The following CYP2C18 variants were observed in gnomAD, a reference collection of about 807,000 sequenced individuals.
CYP2C18 encodes the protein cytochrome P450 family 2 subfamily C member 18.
In CYP2C18, 38 loss-of-function variants were observed where a neutral mutation model predicts 41.3. That is an observed-to-expected ratio of 0.92 (90% CI 0.71 to 1.21). The LOEUF (loss-of-function observed/expected upper bound fraction) is 1.21. Among genes scored for constraint, CYP2C18 ranks in the 50% most tolerant of loss-of-function variants. The pLI, the probability that CYP2C18 is intolerant of heterozygous loss-of-function variation, is 0.00. For synonymous variants in CYP2C18, 236 were observed against 210.0 expected, an observed-to-expected ratio of 1.12 and a Z score of -1.07; for missense variants, 635 against 591.4, an observed-to-expected ratio of 1.07 and a Z score of -0.77.
intron 7 of CYP2C18, among the ~76,000 whole-genome samples, chr10:94,731,967 T>C (rs866365511): frequency 6.6e-6 from 1 of 152,000 alleles, no homozygotes; most frequent in Non-Finnish European, 1.5e-5. Context: ...GATATGTTAC[T>C]TAAAATTGAT....
intron 4 of CYP2C18, among the ~76,000 whole-genome samples, chr10:94,698,104 C>G (rs1004480599): frequency 2.0e-5 from 3 of 152,098 alleles, no homozygotes; most frequent in Admixed American, 6.6e-5. Context: ...TATCCAGGAA[C>G]TGAACTCAGC....
At chr10:94,699,741 C>T (rs903564814) in intron 4 of CYP2C18, among the ~76,000 whole-genome samples, 1 of 152,106 alleles carries the variant, frequency 6.6e-6, no homozygotes, top group Non-Finnish European at 1.5e-5. Flanking sequence ...TTGTCTCAGC[C>T]CAAAATCTCC....
rs35672164 is a variant in CYP2C18, at chr10:94,712,008, A to ATTTTTTTTTTTTTTTTTTTT, written c.819+5049_819+5068dup. The stretch of plus-strand genomic sequence containing the variant: ...AGGTGCATGCCACCATGCCCAACTA[A>ATTTTTTTTTTTTTTTTTTTT]TTTTTTTTTTTTTTTTTTTTGTAGA... On this transcript the variant is annotated intron_variant, in intron 5 of 8. Coordinates refer to ENST00000285979, the MANE Select transcript of CYP2C18 (RefSeq NM_000772.3). Among the ~76,000 whole-genome samples the ATTTTTTTTTTTTTTTTTTTT allele has an allele frequency of 1.3e-3, 132 of 97,844 alleles. 9 individuals carry two copies. The highest frequency in any genetic ancestry group is 0.01 in the East Asian group (29 of 2,840). 64.2% of individuals were successfully genotyped at this position (97,844 alleles called of 152,430 possible).
intron 5 of CYP2C18, among the ~76,000 whole-genome samples, chr10:94,712,158 A>AT (rs201742942): frequency 0.023 from 3,238 of 142,208 alleles, 75 homozygotes; most frequent in Admixed American, 0.075. Context: ...TCTTTTTCCA[A>AT]TTTTTTTTTT....
intron 5 of CYP2C18, among the ~76,000 whole-genome samples, chr10:94,715,632 T>C (rs1589802372): frequency 6.6e-6 from 1 of 152,132 alleles, no homozygotes; most frequent in East Asian, 1.9e-4. Context: ...GGAATTTTGG[T>C]CTAAAATTCT....
intron 3 of CYP2C18, 68 bp from the exon 4 acceptor site, chr10:94,694,849 C>G: frequency 2.0e-6 from 3 of 1,512,138 alleles, no homozygotes. Flanking sequence ...ATACTTTTTC[C>G]TGTATCAAAG....
rs1050452343 is a variant in CYP2C18, at chr10:94,735,647, T to A, written c.*203T>A. ...CACTTCCTAAATATATCTGCTATTC[T>A]CCATACTCTGTATCACTTGTATTGA... On this transcript the variant is annotated 3_prime_UTR_variant, in exon 9 of 9. Transcript: ENST00000285979. 5.0e-6 allele frequency: 3 copies of A among 595,214 alleles called. No individual in the cohort carries two copies. The highest frequency in any genetic ancestry group is 8.9e-6 in the Non-Finnish European group (3 of 335,540). 36.9% of individuals were successfully genotyped at this position (595,214 alleles called of 1,614,324 possible). A position where few individuals can be genotyped will look rare whatever the true frequency, so the allele number is the denominator to read the frequency against.
intron 4 of CYP2C18, among the ~76,000 whole-genome samples, chr10:94,698,807 A>G (rs543421653): frequency 1.3e-4 from 20 of 152,314 alleles, no homozygotes; most frequent in Non-Finnish European, 2.5e-4. Context: ...ATCACCACCA[A>G]TCCCACAGAA....
Position 94,687,952 on chromosome 10 carries a change from G to A in CYP2C18, c.331+20G>A. The A allele has an allele frequency of 6.2e-7, 1 of 1,611,832 alleles. No individual in the cohort carries two copies. Among genetic ancestry groups the A allele is most frequent in the Non-Finnish European group, 8.5e-7 (1 of 1,178,590 alleles). ...GACTTGGTAAATGTGCATGTATCGT[G>A]TGTATGTGTACATGTGTATGTACTG... is the stretch of plus-strand genomic sequence containing the variant. On this transcript the variant is annotated intron_variant, in intron 2 of 8. Transcript: ENST00000285979.
intron 4 of CYP2C18, among the ~76,000 whole-genome samples, chr10:94,698,289 C>A (rs895746679): frequency 6.6e-6 from 1 of 152,196 alleles, no homozygotes; most frequent in Non-Finnish European, 1.5e-5. Flanking sequence ...GTCTCTCAGA[C>A]CATGGTGCAA....
chr10:94,715,802 C>T (rs1229256309), intron 5 of CYP2C18, among the ~76,000 whole-genome samples: 2 of 149,884 alleles, frequency 1.3e-5, no homozygotes, highest in East Asian at 4.0e-4. Context: ...GCTGTGAATC[C>T]ATCTGGTCCT....
intron 7 of CYP2C18, among the ~76,000 whole-genome samples, chr10:94,725,566 T>C (rs1847725963): frequency 6.6e-6 from 1 of 152,164 alleles, no homozygotes; most frequent in Non-Finnish European, 1.5e-5. Flanking sequence ...GGTGGAGATT[T>C]AACATCTCAC....
Position 94,706,805 on chromosome 10 carries a change from C to G in CYP2C18, c.664C>G (p.Leu222Val), listed in dbSNP as rs1477910621. Residue 222 changes from leucine to valine, a missense_variant, in exon 5 of 9, where the codon CTC becomes GTC. Transcript: ENST00000285979. The part of the protein sequence containing the change: ...WIQVCNNFPA[L>V]IDYLPGSHNK... ...TAAGGTCTGCAATAATTTCCCTGCT[C>G]TCATCGATTATCTCCCAGGAAGTCA... 1 of 1,595,758 alleles carries G rather than the reference C, an allele frequency of 6.3e-7. No homozygotes were observed. The highest frequency in any genetic ancestry group is 8.6e-7 in the Non-Finnish European group (1 of 1,167,814).
rs185933820 is a variant in CYP2C18 at position 94,716,300 on chromosome 10, C to G, written c.820-4096C>G. ...AGGGTGTCAATTTTAGATCTTTCCTCCTTTCTCTTGTGGGCATTTAGTGCT... is the reference window on the plus strand; with the variant it reads ...AGGGTGTCAATTTTAGATCTTTCCTGCTTTCTCTTGTGGGCATTTAGTGCT... On this transcript the variant is annotated intron_variant, in intron 5 of 8. Transcript: ENST00000285979. Among the ~76,000 whole-genome samples the G allele has an allele frequency of 2.2e-3, 336 of 152,054 alleles. 2 individuals are homozygous for G. Among genetic ancestry groups the G allele is most frequent in the African/African-American group, 6.9e-3 (285 of 41,532 alleles).
chr10:94,698,761 A>G lies in CYP2C18; in HGVS notation c.642+3684A>G, dbSNP rs534841825. On this transcript the variant is annotated intron_variant, in intron 4 of 8. Coordinates refer to ENST00000285979, the MANE Select transcript of CYP2C18 (RefSeq NM_000772.3). ...AGACTAATAAAGAAGAAAAGAGAAG[A>G]ATCAGTTAGATGCAATAAAAAATGA... 4.6e-5 allele frequency among the ~76,000 whole-genome samples: 7 copies of G among 152,298 alleles called. No individual in the cohort carries two copies. In the South Asian group the frequency reaches 1.4e-3, roughly 32 times the overall value.
intron 7 of CYP2C18, among the ~76,000 whole-genome samples, chr10:94,728,989 A>T (rs1399295779): frequency 6.6e-6 from 1 of 152,178 alleles, no homozygotes; most frequent in Non-Finnish European, 1.5e-5. Context: ...CGCTTTCAAG[A>T]TACTGAAGGT....
intron 4 of CYP2C18, among the ~76,000 whole-genome samples, chr10:94,697,348 T>A (rs531862185): frequency 3.4e-4 from 52 of 152,280 alleles, no homozygotes; most frequent in African/African-American, 1.2e-3. Flanking sequence ...AGAAAAGAAT[T>A]TTCAACCCAG....
At chr10:94,721,415 G>A (rs951655072) in intron 6 of CYP2C18, among the ~76,000 whole-genome samples, 1 of 151,970 alleles carries the variant, frequency 6.6e-6, no homozygotes, top group African/African-American at 2.4e-5. Flanking sequence ...TTTATTATTG[G>A]CAATTCTTTT....
At chr10:94,691,779 C>G (rs1019157872) in intron 3 of CYP2C18, among the ~76,000 whole-genome samples, 5 of 152,164 alleles carry the variant, frequency 3.3e-5, no homozygotes, top group African/African-American at 9.7e-5. Context: ...AACTATACTA[C>G]AAGGCTACAG....
Sources: gnomAD v4.1 joint callset for allele counts (sites outside exome capture counted in the v4.1 genomes callset) on GRCh38, gnomAD v4.1.1 for gene constraint, MANE v1.5 for transcripts, NCBI Gene and HGNC (gene_info 2026-07-23, HGNC 2026-07-21) for gene names.